Variants in CTXND1 observed in about 807,000 individuals in gnomAD.
CTXND1 encodes cortexin domain containing 1.
chr15:80,240,861 G>T (rs988350728), intron 1 of CTXND1, among the ~76,000 whole-genome samples: 26 of 152,086 alleles, frequency 1.7e-4, no homozygotes, highest in Non-Finnish European at 7.4e-5. Flanking sequence ...CAAAGCATCC[G>T]GATATCCTGG....
chr15:80,212,697 C>T (rs1382496480), intron 1 of CTXND1, among the ~76,000 whole-genome samples: 1 of 152,146 alleles, frequency 6.6e-6, no homozygotes, highest in Non-Finnish European at 1.5e-5. Flanking sequence ...ATCACCACGA[C>T]ATATATGGGA....
At chr15:80,238,991 CGTT>C (rs1288863510) in intron 1 of CTXND1, among the ~76,000 whole-genome samples, 2 of 152,126 alleles carry the variant, frequency 1.3e-5, no homozygotes, top group African/African-American at 4.8e-5. Context: ...AATGGATCCC[CGTT>C]GTTAAGCACC....
chr15:80,247,978 C>T (rs1460189413), intron 1 of CTXND1, among the ~76,000 whole-genome samples: 3 of 152,170 alleles, frequency 2.0e-5, no homozygotes, highest in Admixed American at 2.0e-4. Context: ...AAGTGCACCC[C>T]TCTGAAACAT....
intron 1 of CTXND1, among the ~76,000 whole-genome samples, chr15:80,239,717 T>G (rs1893543214): frequency 6.6e-6 from 1 of 152,166 alleles, no homozygotes; most frequent in Admixed American, 6.5e-5. Context: ...AAGAGAACCC[T>G]AATACAATCA....
At chr15:80,203,173 C>A (rs73483212) in intron 2 of CTXND1, among the ~76,000 whole-genome samples, 181 of 152,238 alleles carry the variant, frequency 1.2e-3, no homozygotes, top group African/African-American at 3.4e-3. Context: ...AGGAGGAGGG[C>A]CGGCTGCTGC....
chr15:80,236,682 C>T (rs1488389810), intron 1 of CTXND1, among the ~76,000 whole-genome samples: 2 of 151,588 alleles, frequency 1.3e-5, no homozygotes, highest in Non-Finnish European at 2.9e-5. Context: ...ACTTGGGAGG[C>T]TGAGACAGGA....
At chr15:80,219,457 T>C (rs906785996) in intron 1 of CTXND1, among the ~76,000 whole-genome samples, 1 of 152,238 alleles carries the variant, frequency 6.6e-6, no homozygotes, top group African/African-American at 2.4e-5. Flanking sequence ...TTTTATGTTA[T>C]TTCAAAATTT....
At chr15:80,204,878 AT>A (rs1893132583) in intron 1 of CTXND1, among the ~76,000 whole-genome samples, 1 of 152,044 alleles carries the variant, frequency 6.6e-6, no homozygotes, top group Admixed American at 6.6e-5. Flanking sequence ...TAAATTGAAC[AT>A]TTTGCGTAAT....
intron 1 of CTXND1, among the ~76,000 whole-genome samples, chr15:80,240,892 C>T (rs1893557743): frequency 6.6e-6 from 1 of 152,192 alleles, no homozygotes; most frequent in Non-Finnish European, 1.5e-5. Flanking sequence ...ATCCCCAGGA[C>T]AAAGCTGGCT....
chr15:80,221,213 T>C (rs1319183299), intron 1 of CTXND1, among the ~76,000 whole-genome samples: 1 of 152,148 alleles, frequency 6.6e-6, no homozygotes, highest in African/African-American at 2.4e-5. Flanking sequence ...CCAGCCTCTA[T>C]TATTAATTTA....
In CTXND1 at chr15:80,220,134, CTATCTATCTATCATCTATCT is replaced by C. The variant is rs764621584; in HGVS notation, c.-217-16414_-217-16395del. Among the ~76,000 whole-genome samples, 922 of 112,184 alleles carry C rather than the reference CTATCTATCTATCATCTATCT, an allele frequency of 8.2e-3. 7 individuals carry two copies. The highest frequency in any genetic ancestry group is 0.019 in the African/African-American group (550 of 29,700). The allele number at this position is 112,184 out of a possible 152,430, so 73.6% of individuals were successfully genotyped here. On this transcript the variant is annotated intron_variant, in intron 1 of 2. Coordinates refer to ENST00000560778, the MANE Select transcript of CTXND1 (RefSeq NM_001352888.2). ...TCTATCTATCTATCTATCTATCTATCTATCTATCTATCATCTATCTATCTATCTATCTATCTATTTATCTA... is the reference window on the plus strand; with the variant it reads ...TCTATCTATCTATCTATCTATCTATCATCTATCTATCTATCTATTTATCTA...
At chr15:80,244,508 A>G (rs1893607212) in intron 1 of CTXND1, among the ~76,000 whole-genome samples, 1 of 152,188 alleles carries the variant, frequency 6.6e-6, no homozygotes, top group Non-Finnish European at 1.5e-5. Flanking sequence ...CTAGTTTGGA[A>G]AAAGTAAAGG....
At chr15:80,234,025 C>A (rs1048907630) in intron 1 of CTXND1, among the ~76,000 whole-genome samples, 1 of 152,206 alleles carries the variant, frequency 6.6e-6, no homozygotes, top group Non-Finnish European at 1.5e-5. Context: ...AGAAGAGGAG[C>A]AAGCCTGCGG....
chr15:80,207,065 C>A (rs1483985223), intron 1 of CTXND1, among the ~76,000 whole-genome samples: 1 of 152,174 alleles, frequency 6.6e-6, no homozygotes, highest in Non-Finnish European at 1.5e-5. Flanking sequence ...CTTTGGTTTT[C>A]AGCAGTTTTC....
intron 1 of CTXND1, among the ~76,000 whole-genome samples, chr15:80,233,697 C>T (rs1893459018): frequency 6.6e-6 from 1 of 152,176 alleles, no homozygotes; most frequent in Non-Finnish European, 1.5e-5. Flanking sequence ...GCCCACTTCC[C>T]CCACAGCGAC....
intron 1 of CTXND1, among the ~76,000 whole-genome samples, chr15:80,235,006 C>T (rs1338925801): frequency 2.0e-5 from 3 of 152,148 alleles, no homozygotes; most frequent in Non-Finnish European, 2.9e-5. Flanking sequence ...GACTCTGCCC[C>T]CCTGGTGGCT....
chr15:80,228,892 T>G (rs1893400109), intron 1 of CTXND1, among the ~76,000 whole-genome samples: 1 of 151,964 alleles, frequency 6.6e-6, no homozygotes, highest in Non-Finnish European at 1.5e-5. Flanking sequence ...CCCCCGAAAG[T>G]GCTGGGATTA....
rs75983365 is a variant in CTXND1 at position 80,210,669 on chromosome 15, C to T, written c.-217-6929G>A. The stretch of plus-strand genomic sequence containing the variant: ...CTGAACACTTCAGAATCAGCAGCCT[C>T]GCTTTCTATGCTGATGTATTTCCTT... On this transcript the variant is annotated intron_variant, in intron 1 of 2. Coordinates refer to ENST00000560778, the MANE Select transcript of CTXND1 (RefSeq NM_001352888.2). 0.026 allele frequency among the ~76,000 whole-genome samples: 3,902 copies of T among 152,342 alleles called. 324 individuals are homozygous for T. In the East Asian group the frequency reaches 0.28, roughly 11 times the overall value.
intron 1 of CTXND1, among the ~76,000 whole-genome samples, chr15:80,245,116 T>C (rs962995782): frequency 6.6e-6 from 1 of 152,024 alleles, no homozygotes; most frequent in African/African-American, 2.4e-5. Context: ...CTGAGGACAG[T>C]ATTACACAGA....
Sources: allele counts gnomAD v4.1 joint callset (sites outside exome capture counted in the v4.1 genomes callset), GRCh38; gene constraint gnomAD v4.1.1; transcripts MANE v1.5; gene names NCBI Gene and HGNC (gene_info 2026-07-23, HGNC 2026-07-21).